Variants in ZNF440 observed in about 807,000 individuals in gnomAD.
ZNF440 encodes zinc finger protein 440.
Under a neutral mutation model 49.7 loss-of-function variants are expected in ZNF440, and 47 were observed. The observed-to-expected ratio is 0.95, with a 90% CI of 0.75 to 1.21. ZNF440 has a LOEUF of 1.21. Among genes scored for constraint, ZNF440 ranks in the 50% most tolerant of loss-of-function variants. The pLI, the probability that ZNF440 is intolerant of heterozygous loss-of-function variation, is 0.00. For synonymous variants in ZNF440, 255 were observed against 237.7 expected (o/e 1.07, Z -0.67); for missense variants, 703 against 715.0 (o/e 0.98, Z 0.19).
At chr19:11,830,478 G>C (rs755013403) in intron 2 of ZNF440, 69 bp downstream of exon 2, 3 of 1,606,984 alleles carry the variant, frequency 1.9e-6, no homozygotes, top group Non-Finnish European at 2.5e-6. Flanking sequence ...TAATGCTGTT[G>C]AGTGATTTAG....
At chr19:11,823,663 A>C (rs1241872470) in intron 1 of ZNF440, among the ~76,000 whole-genome samples, 2 of 152,062 alleles carry the variant, frequency 1.3e-5, no homozygotes, top group East Asian at 3.9e-4. Context: ...GAAGAAAATT[A>C]GTTTTAATAG....
chr19:11,834,129 CTTT>C lies in ZNF440; in HGVS notation c.*1174_*1176del. ...TTTATCTCAACCTTAATTTTTCTTT[CTTT>C]TTTTTTTTCCCCCAGAAAGAATCTC... On this transcript the variant is annotated 3_prime_UTR_variant, in exon 4 of 4. Coordinates refer to ENST00000304060, the MANE Select transcript of ZNF440 (RefSeq NM_152357.3). The C allele has an allele frequency of 4.6e-5, 12 of 260,366 alleles. No individual in the cohort carries two copies. The highest frequency in any genetic ancestry group is 5.7e-5 in the Admixed American group (1 of 17,694). The allele number at this position is 260,366 out of a possible 1,614,324, so 16.1% of individuals were successfully genotyped here. A position where few individuals can be genotyped will look rare whatever the true frequency, so the allele number is the denominator to read the frequency against.
rs768869222 is a variant in ZNF440, at chr19:11,832,407, C to G, written c.1231C>G (p.Leu411Val). ...GAAAGCCTTCAGATCTGCCTCACAC[C>G]TTCGAGTGCATGGTAGGACTCACAC... ...CGKAFRSASH[L>V]RVHGRTHTGE... Residue 411 changes from leucine (L) to valine (V), a missense_variant, in exon 4 of 4, where the codon CTT becomes GTT. Leu to Val is a conservative substitution (Grantham distance 32). Transcript: ENST00000304060. 6.2e-7 allele frequency: 1 copy of G among 1,613,290 alleles called. No individual in the cohort carries two copies.
rs963471821 is a variant in ZNF440, at chr19:11,833,395, A to G, written c.*431A>G. On this transcript the variant is annotated 3_prime_UTR_variant, in exon 4 of 4. Transcript: ENST00000304060. ...GAATACATGCAAGAACACACAATGG[A>G]GAGAAACCCTATGAATGTAAAGAAT... is the stretch of plus-strand genomic sequence containing the variant. 9.2e-6 allele frequency: 4 copies of G among 435,112 alleles called. No homozygotes were observed. Among genetic ancestry groups the G allele is most frequent in the Admixed American group, 3.1e-5 (1 of 32,474 alleles). 27.0% of individuals were successfully genotyped at this position (435,112 alleles called of 1,614,324 possible).
chr19:11,831,350 G>C lies in ZNF440; in HGVS notation c.192-18G>C. On this transcript the variant is annotated intron_variant, in intron 3 of 3. Coordinates refer to ENST00000304060, the MANE Select transcript of ZNF440 (RefSeq NM_152357.3). ...CTTATAAACAAACCCTTCATAATAT[G>C]CTTCTCATTTTTGACAGGAGTCTCA... 1 of 1,596,132 alleles carries C rather than the reference G, an allele frequency of 6.3e-7. No homozygotes were observed. The highest frequency in any genetic ancestry group is 8.5e-7 in the Non-Finnish European group (1 of 1,175,706).
In ZNF440 at chr19:11,832,020, A is replaced by G. The variant is rs762454154; in HGVS notation, c.844A>G (p.Lys282Glu). The G allele has an allele frequency of 3.7e-6, 6 of 1,614,026 alleles. No homozygotes were observed. In the Admixed American group the frequency reaches 5.0e-5, roughly 13 times the overall value. ...RRHERIHMGEKAYQCKECGKA... is the reference protein window; with the variant it reads ...RRHERIHMGEEAYQCKECGKA... ...ACATGAAAGGATTCACATGGGAGAA[A>G]AGGCTTATCAATGTAAGGAATGTGG... The change falls in exon 4 of 4, where the codon AAG becomes GAG. Residue 282 changes from lysine to glutamate, a missense_variant. Coordinates refer to ENST00000304060, the MANE Select transcript of ZNF440 (RefSeq NM_152357.3).
At chr19:11,827,352 G>C (rs1312133546) in intron 1 of ZNF440, among the ~76,000 whole-genome samples, 1 of 152,104 alleles carries the variant, frequency 6.6e-6, no homozygotes, top group Non-Finnish European at 1.5e-5. Flanking sequence ...ATGAGCCACC[G>C]CACCCAGCGT....
Sources: gnomAD v4.1 joint callset for allele counts (sites outside exome capture counted in the v4.1 genomes callset) on GRCh38, gnomAD v4.1.1 for gene constraint, MANE v1.5 for transcripts, NCBI Gene and HGNC (gene_info 2026-07-23, HGNC 2026-07-21) for gene names.